Variants in PDE4D observed in about 807,000 individuals in gnomAD.
PDE4D encodes phosphodiesterase 4D.
A neutral mutation model predicts 87.4 loss-of-function variants in PDE4D; 24 were observed. That is an observed-to-expected ratio of 0.27 (90% CI 0.20 to 0.39). The LOEUF is 0.39. Ranked by LOEUF, PDE4D falls within the 10% of genes least tolerant of loss-of-function variation. The pLI, the probability that PDE4D is intolerant of heterozygous loss-of-function variation, is 1.00. For missense variants in PDE4D, 714 were observed against 1,041.0 expected, an observed-to-expected ratio of 0.69 and a Z score of 4.32; for synonymous variants, 384 against 383.2, an observed-to-expected ratio of 1.00 and a Z score of -0.02.
intron 1 of PDE4D, among the ~76,000 whole-genome samples, chr5:59,371,803 T>G (rs1475639351): frequency 1.3e-5 from 2 of 152,340 alleles, no homozygotes; most frequent in Admixed American, 6.5e-5. Context: ...GCATCTGTAG[T>G]GCTTAGCAAA....
intron 1 of PDE4D, among the ~76,000 whole-genome samples, chr5:59,406,386 A>C (rs28660597): frequency 2.5e-5 from 2 of 80,410 alleles, no homozygotes; most frequent in African/African-American, 3.6e-5. Flanking sequence ...ATCTTTCCTT[A>C]TCTTTCCTTC....
At chr5:59,866,186 C>T (rs181973217) in intron 1 of PDE4D, among the ~76,000 whole-genome samples, 4 of 152,254 alleles carry the variant, frequency 2.6e-5, no homozygotes, top group African/African-American at 7.2e-5. Context: ...GAAAACCATT[C>T]TTAAAATTTG....
At chr5:59,264,236 C>T (rs1191448377) in intron 1 of PDE4D, among the ~76,000 whole-genome samples, 1 of 152,014 alleles carries the variant, frequency 6.6e-6, no homozygotes, top group Non-Finnish European at 1.5e-5. Context: ...ACCAACGCAG[C>T]TCTCAGTACA....
intron 2 of PDE4D, among the ~76,000 whole-genome samples, chr5:60,111,285 A>G (rs1777652028): frequency 6.6e-6 from 1 of 152,024 alleles, no homozygotes; most frequent in Non-Finnish European, 1.5e-5. Context: ...AATATGTACA[A>G]TGATTATGAA....
intron 1 of PDE4D, among the ~76,000 whole-genome samples, chr5:59,670,046 C>T (rs982178684): frequency 1.3e-5 from 2 of 152,146 alleles, no homozygotes; most frequent in African/African-American, 2.4e-5. Flanking sequence ...TATGCCACCA[C>T]ACCACTATCA....
intron 1 of PDE4D, among the ~76,000 whole-genome samples, chr5:60,446,957 G>T (rs1411164396): frequency 6.6e-6 from 1 of 152,172 alleles, no homozygotes. Context: ...CCTCAGCACT[G>T]CCCTGGGGGC....
At chr5:60,321,083 T>G (rs989432715) in intron 1 of PDE4D, among the ~76,000 whole-genome samples, 5 of 152,142 alleles carry the variant, frequency 3.3e-5, no homozygotes, top group Non-Finnish European at 5.9e-5. Context: ...AAAAAGAGCC[T>G]GAATAGCTAA....
intron 5 of PDE4D, among the ~76,000 whole-genome samples, chr5:59,175,471 C>CTTTTTTTTTTT (rs563138575): frequency 1.9e-4 from 17 of 91,206 alleles, no homozygotes; most frequent in East Asian, 4.1e-4. Context: ...ATTTTTCTTT[C>CTTTTTTTTTTT]TTTTTTTTTT....
intron 1 of PDE4D, among the ~76,000 whole-genome samples, chr5:59,892,790 C>A (rs1281363043): frequency 2.0e-5 from 3 of 152,014 alleles, no homozygotes; most frequent in African/African-American, 7.2e-5. Context: ...TTCTTCTCCA[C>A]CCAGAGCAAA....
intron 1 of PDE4D, among the ~76,000 whole-genome samples, chr5:60,415,467 G>T (rs1236143766): frequency 6.6e-6 from 1 of 152,260 alleles, no homozygotes; most frequent in African/African-American, 2.4e-5. Context: ...GAGAGGTGCA[G>T]GCGGGAACCG....
chr5:60,417,987 A>G (rs1742761379), intron 1 of PDE4D, among the ~76,000 whole-genome samples: 1 of 152,240 alleles, frequency 6.6e-6, no homozygotes, highest in African/African-American at 2.4e-5. Flanking sequence ...AGTATACTGC[A>G]GACAAGAACC....
intron 1 of PDE4D, among the ~76,000 whole-genome samples, chr5:60,381,601 T>C (rs1185969845): frequency 6.6e-6 from 1 of 151,840 alleles, no homozygotes; most frequent in Non-Finnish European, 1.5e-5. Context: ...ATTCAGAAAA[T>C]GGTAGTTTAG....
intron 1 of PDE4D, among the ~76,000 whole-genome samples, chr5:59,338,597 A>G (rs1274062268): frequency 6.6e-6 from 1 of 152,156 alleles, no homozygotes; most frequent in East Asian, 1.9e-4. Context: ...ATGTCCCTAA[A>G]TTGTTTCTTT....
intron 3 of PDE4D, among the ~76,000 whole-genome samples, chr5:59,924,511 T>C (rs1298761146): frequency 6.7e-6 from 1 of 148,506 alleles, no homozygotes; most frequent in African/African-American, 2.5e-5. Flanking sequence ...TAATATATAG[T>C]GGCGCTCCAA....
intron 3 of PDE4D, among the ~76,000 whole-genome samples, chr5:59,917,956 T>C (rs1300499849): frequency 6.6e-6 from 1 of 152,060 alleles, no homozygotes; most frequent in Non-Finnish European, 1.5e-5. Flanking sequence ...AAAATTAGCT[T>C]ATATAGAAAA....
intron 5 of PDE4D, 174 bp downstream of exon 5, chr5:59,180,421 A>G: frequency 1.4e-6 from 1 of 727,060 alleles, no homozygotes; most frequent in Non-Finnish European, 2.5e-6. Flanking sequence ...AAATGTTCCA[A>G]ATAACAGCTT....
At chr5:59,413,890 C>T (rs1313043767) in intron 1 of PDE4D, among the ~76,000 whole-genome samples, 1 of 152,150 alleles carries the variant, frequency 6.6e-6, no homozygotes, top group African/African-American at 2.4e-5. Context: ...GCCTCTCTCC[C>T]TTGATATCTA....
chr5:59,015,848 A>C (rs1753841511), intron 6 of PDE4D, among the ~76,000 whole-genome samples: 2 of 152,254 alleles, frequency 1.3e-5, no homozygotes, highest in South Asian at 4.1e-4. Flanking sequence ...AGCACTATTC[A>C]GGATAGCAAA....
At chr5:59,679,045 G>C (rs1042183130) in intron 1 of PDE4D, among the ~76,000 whole-genome samples, 1 of 152,108 alleles carries the variant, frequency 6.6e-6, no homozygotes, top group Non-Finnish European at 1.5e-5. Flanking sequence ...AGAAGACTTA[G>C]AGACAGTCTT....
Sources: gnomAD v4.1 joint callset for allele counts (sites outside exome capture counted in the v4.1 genomes callset) on GRCh38, gnomAD v4.1.1 for gene constraint, MANE v1.5 for transcripts, NCBI Gene and HGNC (gene_info 2026-07-23, HGNC 2026-07-21) for gene names.